The following ADCY10 variants were observed in gnomAD, a reference collection of about 807,000 sequenced individuals.
ADCY10 encodes the protein adenylate cyclase type 10.
In ADCY10, 156 loss-of-function variants were observed where a neutral mutation model predicts 183.3. The ratio of observed to expected loss-of-function variants is 0.85; its 90% CI spans 0.75 to 0.97. The LOEUF is 0.97. Ranked by LOEUF, ADCY10 falls within the 50% of genes least tolerant of loss-of-function variation. The probability of loss-of-function intolerance (pLI) is 0.00; values close to 1 mark genes in which losing one functional copy is unlikely to be tolerated. For missense variants in ADCY10, 1,745 were observed against 1,934.3 expected, an observed-to-expected ratio of 0.90 and a Z score of 1.84; for synonymous variants, 645 against 670.0, an observed-to-expected ratio of 0.96 and a Z score of 0.58.
rs114703390 is a variant in ADCY10 at position 167,810,866 on chromosome 1, G to T, written c.4530C>A (p.Cys1510Ter). 1 of 1,614,038 alleles carries T rather than the reference G, an allele frequency of 6.2e-7. No homozygotes were observed. The highest frequency in any genetic ancestry group is 8.5e-7 in the Non-Finnish European group (1 of 1,180,004). ...AAGCCATCAGGTGGTAGAGCCTTGG[G>T]CAAAAGACAGGGCCAGTGGTATTTT... ...VAQNTTGPVF[C>*]PRLYHLMAYV... The change falls in exon 32 of 33, where the codon TGC (cysteine) becomes TGA (stop). Residue 1510 changes from cysteine to a stop codon, truncating the protein, a stop_gained. Transcript: ENST00000367851. LOFTEE classifies it high-confidence loss of function.
chr1:167,878,368 A>C, intron 12 of ADCY10, 78 bp downstream of exon 12: 1 of 1,517,708 alleles, frequency 6.6e-7, no homozygotes, highest in South Asian at 1.1e-5. Flanking sequence ...CCAAATCTTA[A>C]ATGGGTGACT....
chr1:167,837,455 T>C (rs1664305818), intron 21 of ADCY10, 137 bp from the exon 22 acceptor site: 8 of 741,090 alleles, frequency 1.1e-5, no homozygotes, highest in Non-Finnish European at 1.7e-5. Flanking sequence ...CTAGTCCCCA[T>C]TGTATCTTAG....
intron 31 of ADCY10, among the ~76,000 whole-genome samples, chr1:167,816,889 A>G (rs1394334762): frequency 6.6e-6 from 1 of 152,242 alleles, no homozygotes; most frequent in Non-Finnish European, 1.5e-5. Context: ...AAGAAGGAGT[A>G]AGTGGAGGTA....
At chr1:167,910,059 A>C (rs955519247) in intron 1 of ADCY10, among the ~76,000 whole-genome samples, 1 of 152,200 alleles carries the variant, frequency 6.6e-6, no homozygotes, top group Non-Finnish European at 1.5e-5. Flanking sequence ...TAAAAGGGCC[A>C]GGAACTGTTT....
chr1:167,837,353 G>A (rs1664291819), intron 21 of ADCY10, 35 bp from the exon 22 acceptor site: 2 of 1,550,206 alleles, frequency 1.3e-6, no homozygotes, highest in Non-Finnish European at 1.8e-6. Context: ...ATGGGTCATT[G>A]AAATGTTCTC....
rs1667798973 is a variant in ADCY10 at position 167,880,489 on chromosome 1, A to C, written c.1139+2T>G. 1 of 1,608,292 alleles carries C rather than the reference A, an allele frequency of 6.2e-7. No individual in the cohort carries two copies. The highest frequency in any genetic ancestry group is 8.5e-7 in the Non-Finnish European group (1 of 1,174,646). The stretch of plus-strand genomic sequence containing the variant: ...CTGGGTGGGACCAGGGTCAATACTC[A>C]CTGGATTTTGTGGACTTGAGAGCAG... On this transcript the variant is annotated splice_donor_variant, in intron 10 of 32. Coordinates refer to ENST00000367851, the MANE Select transcript of ADCY10 (RefSeq NM_018417.6). LOFTEE classifies it high-confidence loss of function.
At chr1:167,904,937 T>G in intron 2 of ADCY10, 56 bp downstream of exon 2, 1 of 1,613,584 alleles carries the variant, frequency 6.2e-7, no homozygotes, top group Non-Finnish European at 8.5e-7. Context: ...TGCATGTGAA[T>G]TCCCACGCGA....
intron 26 of ADCY10, among the ~76,000 whole-genome samples, chr1:167,825,535 C>CTA (rs1663218198): frequency 6.6e-6 from 1 of 152,106 alleles, no homozygotes; most frequent in Admixed American, 6.5e-5. Context: ...GTAGTCCTAC[C>CTA]TACTCAGGAG....
intron 21 of ADCY10, among the ~76,000 whole-genome samples, chr1:167,845,096 C>T (rs1366298333): frequency 6.6e-6 from 1 of 152,216 alleles, no homozygotes; most frequent in African/African-American, 2.4e-5. Context: ...AAACCAAGCC[C>T]TGTTTTCTGG....
intron 13 of ADCY10, among the ~76,000 whole-genome samples, chr1:167,871,677 T>A (rs1218509317): frequency 2.0e-5 from 3 of 152,262 alleles, no homozygotes; most frequent in Non-Finnish European, 2.9e-5. Context: ...TATCCAGGTA[T>A]TATCTAATGT....
Position 167,893,872 on chromosome 1 carries a change from A to G in ADCY10, c.809T>C (p.Met270Thr), listed in dbSNP as rs1668770870. ...ELEMSLQKYV[M>T]ESILKQIDNK... ...AAATACCTGCTTCAAAATGCTTTCCATCACATACTTTTGTAGGGACATCTC... is the reference window on the plus strand; with the variant it reads ...AAATACCTGCTTCAAAATGCTTTCCGTCACATACTTTTGTAGGGACATCTC... The change falls in exon 8 of 33, where the codon ATG (methionine) becomes ACG (threonine). Residue 270 changes from methionine (M) to threonine (T), a missense_variant. Physicochemically the swap from Met to Thr is moderately conservative, Grantham distance 81. Coordinates refer to ENST00000367851, the MANE Select transcript of ADCY10 (RefSeq NM_018417.6). 3.1e-6 allele frequency: 5 copies of G among 1,613,296 alleles called. No individual in the cohort carries two copies. The highest frequency in any genetic ancestry group is 4.2e-6 in the Non-Finnish European group (5 of 1,179,570).
At chr1:167,850,979 G>C (rs747070820) in intron 18 of ADCY10, among the ~76,000 whole-genome samples, 3 of 152,022 alleles carry the variant, frequency 2.0e-5, no homozygotes, top group South Asian at 2.1e-4. Context: ...TCAATTATGT[G>C]AAAGAAATAA....
chr1:167,862,360 CACAA>C (rs1392449625), intron 14 of ADCY10, among the ~76,000 whole-genome samples: 1 of 152,126 alleles, frequency 6.6e-6, no homozygotes, highest in African/African-American at 2.4e-5. Context: ...GAAATTTGGA[CACAA>C]ACAACACACA....
rs203841 is a variant in ADCY10 at position 167,878,746 on chromosome 1, T to C, written c.1217-111A>G. The C allele has an allele frequency of 0.029, 31,020 of 1,080,766 alleles. 4,610 individuals carry two copies. In the African/African-American group the frequency reaches 0.37, roughly 13 times the overall value. 66.9% of individuals were successfully genotyped at this position (1,080,766 alleles called of 1,614,324 possible). On this transcript the variant is annotated intron_variant, in intron 11 of 32. Transcript: ENST00000367851. ...TTTTTACCCTTTACTCCCTTTGCTG[T>C]TCATGAGTGACACAGAAGCCTAGTC...
At chr1:167,883,022 G>T (rs1178568359) in intron 9 of ADCY10, among the ~76,000 whole-genome samples, 2 of 152,114 alleles carry the variant, frequency 1.3e-5, no homozygotes, top group Non-Finnish European at 2.9e-5. Context: ...ACAAAGACTG[G>T]CCTTCTAGGT....
chr1:167,859,867 C>T lies in ADCY10; in HGVS notation c.1836G>A (p.Arg612=). The change falls in exon 16 of 33, where the codon AGG becomes AGA. Residue 612 remains arginine (R), a synonymous_variant. Coordinates refer to ENST00000367851, the MANE Select transcript of ADCY10 (RefSeq NM_018417.6). ...VQFPISREIS[R]MSTLKKQKQL... ...GTTTTTGCTTTTTCAAGGTGCTCAT[C>T]CTGGAAATCTCCCGAGAAATAGGGA... 2 of 1,613,050 alleles carry T rather than the reference C, an allele frequency of 1.2e-6. No homozygotes were observed. The highest frequency in any genetic ancestry group is 1.7e-6 in the Non-Finnish European group (2 of 1,179,118).
At position 167,901,623 on chromosome 1, in the gene ADCY10, C is replaced by G. The variant is rs541053879; in HGVS notation, c.436+39G>C. 7.0e-5 allele frequency: 112 copies of G among 1,606,562 alleles called. 3 individuals are homozygous for G. In the South Asian group the frequency reaches 1.2e-3, roughly 17 times the overall value. On this transcript the variant is annotated intron_variant, in intron 5 of 32. Transcript: ENST00000367851. ...GATGCCCCAGGAGTCAAGACCCTAT[C>G]CCAGCTGCCGTAGGATTTATTCCTT...
intron 12 of ADCY10, among the ~76,000 whole-genome samples, chr1:167,876,938 T>C (rs898764390): frequency 6.6e-6 from 1 of 152,188 alleles, no homozygotes; most frequent in African/African-American, 2.4e-5. Context: ...TAGAGCCAGA[T>C]TGCCCTAGTT....
chr1:167,844,316 A>G (rs1046341514), intron 21 of ADCY10, among the ~76,000 whole-genome samples: 2 of 152,226 alleles, frequency 1.3e-5, no homozygotes, highest in African/African-American at 4.8e-5. Flanking sequence ...CTCTGAACCT[A>G]CAGCCTGATT....
Sources: allele counts gnomAD v4.1 joint callset (sites outside exome capture counted in the v4.1 genomes callset), GRCh38; gene constraint gnomAD v4.1.1; transcripts MANE v1.5; gene names NCBI Gene and HGNC (gene_info 2026-07-23, HGNC 2026-07-21).